Variants in PTPN7 observed in about 807,000 individuals in gnomAD.
PTPN7 encodes protein tyrosine phosphatase non-receptor type 7, also known as tyrosine-protein phosphatase non-receptor type 7.
In PTPN7, 33 loss-of-function variants were observed where a neutral mutation model predicts 50.3. The observed-to-expected ratio is 0.66, with a 90% CI of 0.50 to 0.88. PTPN7 has a LOEUF of 0.88. Ranked by LOEUF, PTPN7 falls within the 40% of genes least tolerant of loss-of-function variation. PTPN7 has a pLI of 0.00. For missense variants in PTPN7, 412 were observed against 475.4 expected, an observed-to-expected ratio of 0.87 and a Z score of 1.24; for synonymous variants, 185 against 186.6, an observed-to-expected ratio of 0.99 and a Z score of 0.07.
In PTPN7 at chr1:202,159,916, C is replaced by G. The variant is rs758701999; in HGVS notation, c.-52-462G>C. 13 of 1,010,504 alleles carry G rather than the reference C, an allele frequency of 1.3e-5. No individual in the cohort carries two copies. The highest frequency in any genetic ancestry group is 1.5e-5 in the Non-Finnish European group (13 of 846,178). The allele number at this position is 1,010,504 out of a possible 1,614,324, so 62.6% of individuals were successfully genotyped here. ...AGCAGTGTTGGAGCTGGTTGGGCAG[C>G]CAGGCAGGCGGGCTCCTGGACCCCA... On this transcript the variant is annotated intron_variant, in intron 1 of 9. Coordinates refer to ENST00000691036, the MANE Select transcript of PTPN7 (RefSeq NM_002832.4). This position sits in a 1 kb window ranked among gnomAD's most constrained non-coding sequence, Gnocchi z 4.6.
At chr1:202,149,838 T>TG (rs1558312964) in intron 9 of PTPN7, 2 of 145,980 alleles carry the variant, frequency 1.4e-5, no homozygotes, top group Admixed American at 6.8e-5. Context: ...TGTTTTTTTT[T>TG]TTTTTTTTTT....
At chr1:202,157,713 C>T in intron 4 of PTPN7, 26 bp downstream of exon 4, 1 of 1,593,256 alleles carries the variant, frequency 6.3e-7, no homozygotes, top group South Asian at 1.1e-5. Context: ...GTACCCGACT[C>T]CCTTCATCCC....
At chr1:202,160,837 C>T (rs1416521412), upstream of PTPN7, 4 of 1,517,026 alleles carry the variant, frequency 2.6e-6, no homozygotes, top group Admixed American at 2.1e-5. The surrounding 1 kb of genome is among the most constrained non-coding windows in gnomAD (Gnocchi z 4.8). Context: ...AGACCCTCTC[C>T]CCTCTTCTGT....
In PTPN7 at chr1:202,154,281, G is replaced by A. The variant is rs1656394243; in HGVS notation, c.511C>T (p.Pro171Ser). 1 of 1,613,984 alleles carries A rather than the reference G, an allele frequency of 6.2e-7. No homozygotes were observed. Among genetic ancestry groups the A allele is most frequent in the Non-Finnish European group, 8.5e-7 (1 of 1,180,028 alleles). Reference protein sequence around the residue: ...KEKVYIATQGPMPNTVSDFWE... With the variant: ...KEKVYIATQGSMPNTVSDFWE... ...AAGTCCGACACAGTGTTGGGCATGGGGCCCTGGGTGGCAATGTAGACCTTC... is the reference window on the plus strand; with the variant it reads ...AAGTCCGACACAGTGTTGGGCATGGAGCCCTGGGTGGCAATGTAGACCTTC... The change falls in exon 6 of 10, where the codon CCC becomes TCC. Residue 171 changes from proline to serine, a missense_variant. Physicochemically the swap from Pro to Ser is moderately conservative, Grantham distance 74. Transcript: ENST00000691036.
Position 202,154,258 on chromosome 1 carries a change from G to T in PTPN7, c.534C>A (p.Asp178Glu), listed in dbSNP as rs1490529492. 1.2e-6 allele frequency: 2 copies of T among 1,614,178 alleles called. No individual in the cohort carries two copies. Among genetic ancestry groups the T allele is most frequent in the South Asian group, 1.1e-5 (1 of 91,088 alleles). Reference protein sequence around the residue: ...TQGPMPNTVSDFWEMVWQEEV... With the variant: ...TQGPMPNTVSEFWEMVWQEEV... Reference sequence around the variant, plus strand: ...CCTCTTGCCACACCATCTCCCAGAAGTCCGACACAGTGTTGGGCATGGGGC... The same window carrying T: ...CCTCTTGCCACACCATCTCCCAGAATTCCGACACAGTGTTGGGCATGGGGC... Residue 178 changes from aspartate to glutamate, a missense_variant, in exon 6 of 10, where the codon GAC (aspartate) becomes GAA (glutamate). Asp to Glu is a conservative substitution (Grantham distance 45). Transcript: ENST00000691036.
At position 202,147,415 on chromosome 1, in the gene PTPN7, T is replaced by C. The variant is rs1330905785; in HGVS notation, c.*1191A>G. On this transcript the variant is annotated 3_prime_UTR_variant, in exon 10 of 10. Transcript: ENST00000691036. Reference sequence around the variant, plus strand: ...TTCTCCAGATCCAACTCCTCGGGGGTTTCCACAGAGAGCTGGTATCAAGGC... The same window carrying C: ...TTCTCCAGATCCAACTCCTCGGGGGCTTCCACAGAGAGCTGGTATCAAGGC... The C allele has an allele frequency of 1.3e-5, 2 of 151,610 alleles. No individual in the cohort carries two copies. Among genetic ancestry groups the C allele is most frequent in the Non-Finnish European group, 2.9e-5 (2 of 67,928 alleles). 9.4% of individuals were successfully genotyped at this position (151,610 alleles called of 1,614,324 possible). A position where few individuals can be genotyped will look rare whatever the true frequency, so the allele number is the denominator to read the frequency against.
intron 9 of PTPN7, 164 bp downstream of exon 9, chr1:202,150,147 T>A: frequency 1.6e-6 from 1 of 609,306 alleles, no homozygotes; most frequent in Non-Finnish European, 2.9e-6. Context: ...AGATAGATAT[T>A]TTTTCCTGGT....
Position 202,159,196 on chromosome 1 carries a change from A to T in PTPN7, c.122+85T>A. On this transcript the variant is annotated intron_variant, in intron 2 of 9. Coordinates refer to ENST00000691036, the MANE Select transcript of PTPN7 (RefSeq NM_002832.4). The surrounding 1 kb of genome is among the most constrained non-coding windows in gnomAD (Gnocchi z 4.6). ...TGAGGGCCCTCTGGACCCTGCTGTCAGAGCTGGAGGGGCAGATGGAAGGAA... is the reference window on the plus strand; with the variant it reads ...TGAGGGCCCTCTGGACCCTGCTGTCTGAGCTGGAGGGGCAGATGGAAGGAA... 7.2e-7 allele frequency: 1 copy of T among 1,385,184 alleles called. No individual in the cohort carries two copies. The highest frequency in any genetic ancestry group is 1.0e-6 in the Non-Finnish European group (1 of 987,872). The allele number at this position is 1,385,184 out of a possible 1,614,324, so 85.8% of individuals were successfully genotyped here.
At position 202,160,101 on chromosome 1, in the gene PTPN7, C is replaced by G; in HGVS notation, c.-53+444G>C. 1 of 568,314 alleles carries G rather than the reference C, an allele frequency of 1.8e-6. No individual in the cohort carries two copies. The highest frequency in any genetic ancestry group is 2.3e-6 in the Non-Finnish European group (1 of 443,038). The allele number at this position is 568,314 out of a possible 1,614,324, so 35.2% of individuals were successfully genotyped here. A position where few individuals can be genotyped will look rare whatever the true frequency, so the allele number is the denominator to read the frequency against. ...CGTCACAGGAAATGGCCTCACCAAGCCCTTGAACGACAGCGCATGGTGAGG... is the reference window on the plus strand; with the variant it reads ...CGTCACAGGAAATGGCCTCACCAAGGCCTTGAACGACAGCGCATGGTGAGG... On this transcript the variant is annotated intron_variant, in intron 1 of 9. Coordinates refer to ENST00000691036, the MANE Select transcript of PTPN7 (RefSeq NM_002832.4). The surrounding 1 kb of genome is among the most constrained non-coding windows in gnomAD (Gnocchi z 4.8).
At chr1:202,161,006 A>C, upstream of PTPN7, 1 of 1,420,422 alleles carries the variant, frequency 7.0e-7, no homozygotes, top group South Asian at 1.6e-5. Flanking sequence ...CTTCTGCCCC[A>C]CAGCCCTCTC....
In PTPN7 at chr1:202,147,425, G is replaced by C. The variant is rs1028654225; in HGVS notation, c.*1181C>G. ...CCAACTCCTCGGGGGTTTCCACAGA[G>C]AGCTGGTATCAAGGCAGCTGTCAGG... is the stretch of plus-strand genomic sequence containing the variant. On this transcript the variant is annotated 3_prime_UTR_variant, in exon 10 of 10. Transcript: ENST00000691036. 1 of 152,192 alleles carries C rather than the reference G, an allele frequency of 6.6e-6. No homozygotes were observed. The highest frequency in any genetic ancestry group is 6.5e-5 in the Admixed American group (1 of 15,278). 9.4% of individuals were successfully genotyped at this position (152,192 alleles called of 1,614,324 possible).
rs1283688317 is a variant in PTPN7 at position 202,148,381 on chromosome 1, T to C, written c.*225A>G. ...TTGGAGGTTCCCCTTACTGTCCATCTGGGGCCAACAGAGGAAGCAGAGGAG... is the reference window on the plus strand; with the variant it reads ...TTGGAGGTTCCCCTTACTGTCCATCCGGGGCCAACAGAGGAAGCAGAGGAG... On this transcript the variant is annotated 3_prime_UTR_variant, in exon 10 of 10. Transcript: ENST00000691036. 5 of 469,038 alleles carry C rather than the reference T, an allele frequency of 1.1e-5. No individual in the cohort carries two copies. The highest frequency in any genetic ancestry group is 3.7e-5 in the Admixed American group (1 of 26,764). 29.1% of individuals were successfully genotyped at this position (469,038 alleles called of 1,614,324 possible).
intron 5 of PTPN7, 44 bp from the exon 6 acceptor site, chr1:202,154,367 G>C: frequency 6.3e-7 from 1 of 1,583,578 alleles, no homozygotes; most frequent in Non-Finnish European, 8.6e-7. Context: ...AGCAGTGAGA[G>C]CAGAGCTCTG....
rs1469030780 is a variant in PTPN7, at chr1:202,158,211, G to A, written c.213C>T (p.Thr71=). ...GTCCAGCAGTGCGCAGAAAGTGTAG[G>A]GTGACCTCCCGGGGTGTGTTCACAG... is the stretch of plus-strand genomic sequence containing the variant. The part of the protein sequence containing the change: ...ICSVNTPREV[T]LHFLRTAGHP... The change falls in exon 3 of 10, where the codon ACC becomes ACT. Residue 71 remains threonine (T), a synonymous_variant. Transcript: ENST00000691036. 6.2e-7 allele frequency: 1 copy of A among 1,613,988 alleles called. No individual in the cohort carries two copies. The highest frequency in any genetic ancestry group is 1.3e-5 in the African/African-American group (1 of 74,922).
intron 9 of PTPN7, chr1:202,149,820 CTTTT>C (rs796249545): frequency 8.1e-6 from 1 of 123,188 alleles, no homozygotes; most frequent in Non-Finnish European, 1.7e-5. Context: ...GACAGATATT[CTTTT>C]TTTTGTTTTT....
rs1300636774 is a variant in PTPN7 at position 202,159,696 on chromosome 1, A to G, written c.-52-242T>C. On this transcript the variant is annotated intron_variant, in intron 1 of 9. Transcript: ENST00000691036. This position sits in a 1 kb window ranked among gnomAD's most constrained non-coding sequence, Gnocchi z 4.6. ...AGATTGTGGATGAAGATAGGAAAGA[A>G]TCCAGAAGGAGGAAAAGAGAGAGGG... 3 of 1,366,024 alleles carry G rather than the reference A, an allele frequency of 2.2e-6. No individual in the cohort carries two copies. The highest frequency in any genetic ancestry group is 2.0e-5 in the South Asian group (1 of 50,094). 84.6% of individuals were successfully genotyped at this position (1,366,024 alleles called of 1,614,324 possible). A position where few individuals can be genotyped will look rare whatever the true frequency, so the allele number is the denominator to read the frequency against.
chr1:202,149,924 C>T (rs61250341), intron 9 of PTPN7: 39,347 of 154,026 alleles, frequency 0.26, 5,902 homozygotes, highest in Middle Eastern at 0.35. Context: ...TCTCCACCTC[C>T]TGGGTTCAAG....
chr1:202,156,488 C>G (rs1047311683), intron 4 of PTPN7, among the ~76,000 whole-genome samples: 1 of 152,184 alleles, frequency 6.6e-6, no homozygotes, highest in Non-Finnish European at 1.5e-5. Flanking sequence ...AAGGATTTCT[C>G]TAAATGAAAC....
At chr1:202,153,934 C>A in intron 6 of PTPN7, 99 bp from the exon 7 acceptor site, 1 of 1,094,830 alleles carries the variant, frequency 9.1e-7, no homozygotes, top group Non-Finnish European at 1.4e-6. Flanking sequence ...TCCACCCCTA[C>A]TGGATGGGAG....
Sources: gnomAD v4.1 joint callset for allele counts (sites outside exome capture counted in the v4.1 genomes callset) on GRCh38, gnomAD v4.1.1 for gene constraint, Gnocchi (gnomAD v3.1) non-coding constraint, MANE v1.5 for transcripts, NCBI Gene and HGNC (gene_info 2026-07-23, HGNC 2026-07-21) for gene names.